The following SNAP91 variants were observed in gnomAD, a reference collection of about 807,000 sequenced individuals.
SNAP91 encodes clathrin coat assembly protein AP180.
In SNAP91, 27 loss-of-function variants were observed where a neutral mutation model predicts 100.3. The observed-to-expected ratio is 0.27, with a 90% CI of 0.20 to 0.37. The LOEUF (loss-of-function observed/expected upper bound fraction) is 0.37. Among genes scored for constraint, SNAP91 ranks in the 10% least tolerant of loss-of-function variants. The pLI is 1.00. For synonymous variants in SNAP91, 404 were observed against 398.6 expected (o/e 1.01, Z -0.16); for missense variants, 986 against 1,123.7 (o/e 0.88, Z 1.75).
chr6:83,702,324 T>G (rs2099324342), intron 2 of SNAP91, among the ~76,000 whole-genome samples: 1 of 152,154 alleles, frequency 6.6e-6, no homozygotes, highest in Non-Finnish European at 1.5e-5. Flanking sequence ...TGACCTTCTT[T>G]ACCAAGATAA....
chr6:83,583,350 T>C (rs187917715), intron 22 of SNAP91, among the ~76,000 whole-genome samples: 42 of 152,302 alleles, frequency 2.8e-4, no homozygotes, highest in African/African-American at 9.4e-4. Flanking sequence ...TTTTTTCCAC[T>C]AATATCCTGC....
At chr6:83,621,738 T>G (rs1292279683) in intron 9 of SNAP91, among the ~76,000 whole-genome samples, 1 of 152,142 alleles carries the variant, frequency 6.6e-6, no homozygotes, top group African/African-American at 2.4e-5. Flanking sequence ...CTGCCCAAAC[T>G]AAGTATGATA....
intron 2 of SNAP91, among the ~76,000 whole-genome samples, chr6:83,677,215 C>G (rs905443648): frequency 2.6e-5 from 4 of 152,132 alleles, no homozygotes; most frequent in African/African-American, 9.7e-5. Context: ...TGTCTACTTT[C>G]TACAGAGCAG....
At chr6:83,583,119 G>A (rs988926983) in intron 22 of SNAP91, among the ~76,000 whole-genome samples, 8 of 152,186 alleles carry the variant, frequency 5.3e-5, no homozygotes, top group East Asian at 1.9e-4. Flanking sequence ...GCTGTGATCC[G>A]CCACTCGCAG....
intron 2 of SNAP91, among the ~76,000 whole-genome samples, chr6:83,707,447 A>AG (rs751275452): frequency 2.0e-5 from 3 of 151,786 alleles, no homozygotes; most frequent in Non-Finnish European, 4.4e-5. Context: ...AATTTGGAGA[A>AG]GGGAGGGTGG....
In SNAP91 at chr6:83,594,472, G is replaced by T. The variant is rs2094223342; in HGVS notation, c.1334C>A (p.Ala445Glu). ...TGCAGGGGCCTCCCCAGGAGAAGCT[G>T]CAAAGGCATCTTGGGTGCGGTTTTT... is the stretch of plus-strand genomic sequence containing the variant. Reference protein sequence around the residue: ...AEVDLFGDAFAASPGEAPAAS... With the variant: ...AEVDLFGDAFEASPGEAPAAS... Residue 445 changes from alanine (A) to glutamate (E), a missense_variant, in exon 17 of 30, where the codon GCA becomes GAA. By Grantham distance (107) the Ala-to-Glu change is moderately radical (BLOSUM62 -1). Coordinates refer to ENST00000369694, the MANE Select transcript of SNAP91 (RefSeq NM_001242792.2). The T allele has an allele frequency of 1.1e-5, 17 of 1,515,246 alleles. No homozygotes were observed. The highest frequency in any genetic ancestry group is 1.5e-5 in the Non-Finnish European group (17 of 1,135,068). The allele number at this position is 1,515,246 out of a possible 1,614,324, so 93.9% of individuals were successfully genotyped here. A position where few individuals can be genotyped will look rare whatever the true frequency, so the allele number is the denominator to read the frequency against.
chr6:83,701,045 T>C (rs1230792269), intron 2 of SNAP91, among the ~76,000 whole-genome samples: 2 of 152,128 alleles, frequency 1.3e-5, no homozygotes, highest in Non-Finnish European at 2.9e-5. Context: ...TTCAAAGACA[T>C]AGAATATTTA....
chr6:83,597,320 A>G (rs1432866429), intron 16 of SNAP91, among the ~76,000 whole-genome samples: 2 of 152,220 alleles, frequency 1.3e-5, no homozygotes, highest in African/African-American at 4.8e-5. Flanking sequence ...GTCAGCCACC[A>G]GAACTGTGAG....
At chr6:83,677,873 G>A (rs941206338) in intron 2 of SNAP91, among the ~76,000 whole-genome samples, 2 of 152,162 alleles carry the variant, frequency 1.3e-5, no homozygotes, top group Non-Finnish European at 2.9e-5. Context: ...ATTCTATAGA[G>A]GTGGAAGATG....
intron 22 of SNAP91, among the ~76,000 whole-genome samples, chr6:83,585,530 T>TAAAA (rs762315224): frequency 6.4e-4 from 32 of 49,732 alleles, no homozygotes; most frequent in East Asian, 1.9e-3. Flanking sequence ...CCTTGTTGCT[T>TAAAA]AAAAAAAAAA....
chr6:83,629,371 T>C (rs1305989820), intron 8 of SNAP91, among the ~76,000 whole-genome samples: 1 of 152,158 alleles, frequency 6.6e-6, no homozygotes, highest in African/African-American at 2.4e-5. Context: ...ACATGAATTT[T>C]AGAATTGTTT....
chr6:83,558,008 A>T (rs541165213), intron 28 of SNAP91, among the ~76,000 whole-genome samples: 1 of 152,154 alleles, frequency 6.6e-6, no homozygotes, highest in African/African-American at 2.4e-5. Context: ...TACCTGGCTT[A>T]TTATGAATTC....
chr6:83,655,676 T>G (rs895905653), intron 7 of SNAP91, among the ~76,000 whole-genome samples: 1 of 152,234 alleles, frequency 6.6e-6, no homozygotes, highest in Non-Finnish European at 1.5e-5. Flanking sequence ...TGTTATCTAA[T>G]GTACCAAATA....
intron 22 of SNAP91, among the ~76,000 whole-genome samples, chr6:83,589,619 C>T (rs1207704447): frequency 2.0e-5 from 3 of 152,040 alleles, no homozygotes; most frequent in Admixed American, 6.6e-5. Flanking sequence ...TTTCAGCATG[C>T]AAGACTGTTA....
At chr6:83,599,398 A>T (rs1425933081) in intron 16 of SNAP91, among the ~76,000 whole-genome samples, 1 of 152,172 alleles carries the variant, frequency 6.6e-6, no homozygotes, top group African/African-American at 2.4e-5. Context: ...TATTTTCCTT[A>T]CTTTTTTTCT....
Position 83,641,162 on chromosome 6 carries a change from A to G in SNAP91, c.699T>C (p.Ala233=). 2 of 1,537,096 alleles carry G rather than the reference A, an allele frequency of 1.3e-6. No individual in the cohort carries two copies. The highest frequency in any genetic ancestry group is 1.8e-6 in the Non-Finnish European group (2 of 1,142,800). ...FEMKKGQCKD[A]LEIYKRFLTR... ...TTAGAAATCGTTTGTAAATTTCTAG[A>G]GCATCTTTACATTGTCCTTTCTTCA... Residue 233 remains alanine, a synonymous_variant, in exon 8 of 30, where the codon GCT becomes GCC. Coordinates refer to ENST00000369694, the MANE Select transcript of SNAP91 (RefSeq NM_001242792.2).
intron 2 of SNAP91, among the ~76,000 whole-genome samples, chr6:83,674,864 G>A (rs1263265979): frequency 1.3e-5 from 2 of 152,168 alleles, no homozygotes; most frequent in Non-Finnish European, 2.9e-5. Flanking sequence ...GAAAGACAGG[G>A]AAATCATCAG....
At chr6:83,641,798 C>G (rs1223321507) in intron 7 of SNAP91, among the ~76,000 whole-genome samples, 1 of 152,086 alleles carries the variant, frequency 6.6e-6, no homozygotes, top group Non-Finnish European at 1.5e-5. Flanking sequence ...TCATGACTTT[C>G]TAGTCTATTT....
At chr6:83,634,649 G>A (rs2097356680) in intron 8 of SNAP91, among the ~76,000 whole-genome samples, 1 of 152,090 alleles carries the variant, frequency 6.6e-6, no homozygotes. Flanking sequence ...ATTTAGTTCT[G>A]CTCTGACTTT....
Sources: gnomAD v4.1 joint callset for allele counts (sites outside exome capture counted in the v4.1 genomes callset) on GRCh38, gnomAD v4.1.1 for gene constraint, MANE v1.5 for transcripts, NCBI Gene and HGNC (gene_info 2026-07-23, HGNC 2026-07-21) for gene names.